The following DMD variants were observed in gnomAD, a reference collection of about 807,000 sequenced individuals.
DMD encodes the protein dystrophin, also known as mutant dystrophin.
A neutral mutation model predicts 330.1 loss-of-function variants in DMD; 63 were observed. The ratio of observed to expected loss-of-function variants is 0.19; its 90% CI spans 0.16 to 0.24. The LOEUF is 0.24. Ranked by LOEUF, DMD falls within the 10% of genes least tolerant of loss-of-function variation. DMD has a pLI of 1.00. For synonymous variants in DMD, 1,223 were observed against 959.8 expected (o/e 1.27, Z -5.07); for missense variants, 3,344 against 2,684.1 (o/e 1.25, Z -5.43).
At chrX:31,388,146 C>T (rs1302229115) in intron 60 of DMD, among the ~76,000 whole-genome samples, 1 of 108,679 alleles carries the variant, frequency 9.2e-6, no homozygotes, top group Non-Finnish European at 1.9e-5. Context: ...ACTACAGGTG[C>T]CCACCACCAA....
intron 19 of DMD, among the ~76,000 whole-genome samples, chrX:32,495,090 A>C (rs774827341): frequency 2.1e-4 from 24 of 112,376 alleles, no homozygotes; most frequent in African/African-American, 7.4e-4. Context: ...AAAAACGTGG[A>C]AATTTCTAGA....
chrX:31,894,933 G>T (rs1437195598), intron 47 of DMD, among the ~76,000 whole-genome samples: 1 of 111,426 alleles, frequency 9.0e-6, no homozygotes, highest in Non-Finnish European at 1.9e-5. Flanking sequence ...TTAAAAAGTG[G>T]TTTCACTCAT....
intron 54 of DMD, among the ~76,000 whole-genome samples, chrX:31,654,029 T>C (rs781018886): frequency 8.9e-6 from 1 of 111,871 alleles, no homozygotes; most frequent in South Asian, 3.7e-4. Context: ...AAAATGATCA[T>C]ATCAAAAGCC....
chrX:32,950,792 A>G (rs2091199812), intron 2 of DMD, among the ~76,000 whole-genome samples: 1 of 111,744 alleles, frequency 8.9e-6, no homozygotes, highest in Non-Finnish European at 1.9e-5. Flanking sequence ...AGTGTCTTAA[A>G]ATCTCAGAGA....
At chrX:32,903,549 G>C (rs931330477) in intron 2 of DMD, among the ~76,000 whole-genome samples, 5 of 111,488 alleles carry the variant, frequency 4.5e-5, no homozygotes, top group Admixed American at 2.9e-4. Context: ...CTCACTCCCA[G>C]TCCCTCATAC....
At position 32,554,939 on chromosome X, in the gene DMD, A is replaced by AAGAAAG. The variant is rs1556792002; in HGVS notation, c.1993-9606_1993-9605insCTTTCT. Among the ~76,000 whole-genome samples the AAGAAAG allele has an allele frequency of 1.3e-3, 36 of 27,587 alleles. 1 individual carries two copies. Among genetic ancestry groups the AAGAAAG allele is most frequent in the African/African-American group, 1.8e-3 (5 of 2,794 alleles). The allele number at this position is 27,587 out of a possible 115,157, so 24.0% of individuals were successfully genotyped here. A position where few individuals can be genotyped will look rare whatever the true frequency, so the allele number is the denominator to read the frequency against. On this transcript the variant is annotated intron_variant, in intron 16 of 78. Coordinates refer to ENST00000357033, the MANE Select transcript of DMD (RefSeq NM_004006.3). ...AAAGAAAGAAAGAAAGAAAGAAAGA[A>AAGAAAG]AGAGAGAGAGAGGGAGAGAGAAAGA...
chrX:31,857,403 A>AAAAAAAAAAG (rs2093633320), intron 48 of DMD, among the ~76,000 whole-genome samples: 1 of 100,054 alleles, frequency 1.0e-5, no homozygotes, highest in African/African-American at 3.6e-5. Context: ...AAAAAAAAAA[A>AAAAAAAAAAG]AAAAAAGAGA....
chrX:31,508,146 T>C, intron 55 of DMD: 1 of 909,294 alleles, frequency 1.1e-6, no homozygotes, highest in Non-Finnish European at 1.6e-6. Context: ...TAAGAGGTTA[T>C]GCATTCAACT....
intron 2 of DMD, among the ~76,000 whole-genome samples, chrX:32,860,050 A>G (rs1428098410): frequency 8.9e-6 from 1 of 111,913 alleles, no homozygotes; most frequent in Non-Finnish European, 1.9e-5. Context: ...CCACAACACG[A>G]AAGGACCTAA....
At chrX:32,611,873 C>T (rs992167597) in intron 12 of DMD, among the ~76,000 whole-genome samples, 1 of 111,855 alleles carries the variant, frequency 8.9e-6, no homozygotes, top group African/African-American at 3.2e-5. Context: ...GGAAGGAACA[C>T]TAGAAACAAA....
chrX:31,668,140 T>C (rs1424031860), intron 53 of DMD, among the ~76,000 whole-genome samples: 2 of 112,206 alleles, frequency 1.8e-5, no homozygotes, highest in African/African-American at 6.4e-5. Context: ...TGTTGAATTA[T>C]GAGTTTTTAT....
intron 9 of DMD, among the ~76,000 whole-genome samples, chrX:32,695,838 T>C (rs766995189): frequency 9.4e-4 from 105 of 111,580 alleles, no homozygotes; most frequent in Non-Finnish European, 1.8e-3. Context: ...TTTCATAAGC[T>C]AAAGAAGTTG....
At chrX:33,106,539 A>C (rs2095289393) in intron 1 of DMD, among the ~76,000 whole-genome samples, 1 of 112,415 alleles carries the variant, frequency 8.9e-6, no homozygotes, top group Admixed American at 9.5e-5. Flanking sequence ...TATTCCATAA[A>C]ATATTTTTCA....
intron 55 of DMD, among the ~76,000 whole-genome samples, chrX:31,546,595 T>C (rs1219610577): frequency 8.9e-5 from 10 of 112,495 alleles, no homozygotes; most frequent in Non-Finnish European, 1.7e-4. Flanking sequence ...GTCATTTCAC[T>C]TAACTTTACA....
In DMD at chrX:32,888,417, A is replaced by T. The variant is rs145763985; in HGVS notation, c.94-38597T>A. Among the ~76,000 whole-genome samples the T allele has an allele frequency of 7.8e-3, 866 of 111,305 alleles. 3 individuals are homozygous for T. The highest frequency in any genetic ancestry group is 0.023 in the Middle Eastern group (5 of 218). On this transcript the variant is annotated intron_variant, in intron 2 of 78. Coordinates refer to ENST00000357033, the MANE Select transcript of DMD (RefSeq NM_004006.3). ...CAAATGGACAACAGGTATATGACAA[A>T]ATGCTTATCATTAGTCAGGTAACTG...
At chrX:31,489,666 A>T (rs67581308) in intron 57 of DMD, among the ~76,000 whole-genome samples, 23,015 of 111,429 alleles carry the variant, frequency 0.21, 2,101 homozygotes, top group African/African-American at 0.34. Flanking sequence ...TCTTCATAAA[A>T]AAAGTTCTTG....
intron 60 of DMD, among the ~76,000 whole-genome samples, chrX:31,432,035 G>A (rs752269080): frequency 6.3e-5 from 7 of 110,540 alleles, no homozygotes; most frequent in Non-Finnish European, 1.3e-4. Flanking sequence ...GGCTGGTCTC[G>A]AACGCCTGAC....
At chrX:31,999,312 T>A (rs780470875) in intron 44 of DMD, among the ~76,000 whole-genome samples, 1 of 112,005 alleles carries the variant, frequency 8.9e-6, no homozygotes, top group East Asian at 2.8e-4. Context: ...TGTGGATTAT[T>A]TCACGGGAAA....
At position 33,112,338 on chromosome X, in the gene DMD, G is replaced by A. The variant is rs2095345868; in HGVS notation, c.32-92138C>T. Among the ~76,000 whole-genome samples the A allele has an allele frequency of 1.8e-5, 2 of 111,226 alleles. 1 individual carries two copies. Among genetic ancestry groups the A allele is most frequent in the Admixed American group, 1.9e-4 (2 of 10,363 alleles). On this transcript the variant is annotated intron_variant, in intron 1 of 78. Coordinates refer to ENST00000357033, the MANE Select transcript of DMD (RefSeq NM_004006.3). ...TATCCACAGTTTCAGGCATCCACCA[G>A]GGGTCTTAGAACACGTATCCCTACA...
Sources: gnomAD v4.1 joint callset for allele counts (sites outside exome capture counted in the v4.1 genomes callset) on GRCh38, gnomAD v4.1.1 for gene constraint, MANE v1.5 for transcripts, NCBI Gene and HGNC (gene_info 2026-07-23, HGNC 2026-07-21) for gene names.